LOC128092252: variants seen among roughly 807,000 people sequenced by gnomAD.
the LOC128092252 span, among the ~76,000 whole-genome samples, chr15:50,660,482 T>C: frequency 2.1e-3 from 313 of 152,122 alleles, no homozygotes; most frequent in Non-Finnish European, 3.6e-3. Flanking sequence ...GTGAAACCCC[T>C]GTCTCTACTA....
chr15:50,673,361 A>G, the LOC128092252 span, among the ~76,000 whole-genome samples: 1 of 152,104 alleles, frequency 6.6e-6, no homozygotes, highest in Non-Finnish European at 1.5e-5. Context: ...ATTTTGGTGC[A>G]CCCATTGCCC....
chr15:50,650,191 T>TAAAA, the LOC128092252 span, among the ~76,000 whole-genome samples: 2 of 24,408 alleles, frequency 8.2e-5, no homozygotes, highest in Non-Finnish European at 6.8e-5. Flanking sequence ...AGACTTTGTC[T>TAAAA]CAAAAAAAAA....
chr15:50,672,868 C>T, the LOC128092252 span, among the ~76,000 whole-genome samples: 1 of 118,762 alleles, frequency 8.4e-6, no homozygotes, highest in Non-Finnish European at 1.6e-5. Context: ...CACTGCACTC[C>T]AGCCAGGGTG....
chr15:50,681,063 C>T, the LOC128092252 span, among the ~76,000 whole-genome samples: 2 of 152,018 alleles, frequency 1.3e-5, no homozygotes, highest in Non-Finnish European at 2.9e-5. Flanking sequence ...CCAGCCTGAC[C>T]AACATGGTGA....
At chr15:50,664,616 T>C in the LOC128092252 span, among the ~76,000 whole-genome samples, 1 of 152,184 alleles carries the variant, frequency 6.6e-6, no homozygotes, top group Non-Finnish European at 1.5e-5. Context: ...TAGACAAATC[T>C]AGGCTCACAG....
chr15:50,675,836 A>C, the LOC128092252 span, among the ~76,000 whole-genome samples: 1,535 of 152,336 alleles, frequency 0.01, 33 homozygotes, highest in African/African-American at 0.035. Context: ...GGGAATCTTA[A>C]AGATCAGTTG....
chr15:50,681,891 T>C, the LOC128092252 span, among the ~76,000 whole-genome samples: 2 of 152,156 alleles, frequency 1.3e-5, no homozygotes, highest in African/African-American at 2.4e-5. Flanking sequence ...ATAACAGTGA[T>C]GCTCATAAAA....
At chr15:50,681,294 A>ACACACACACACACACACACAC in the LOC128092252 span, among the ~76,000 whole-genome samples, 1 of 101,912 alleles carries the variant, frequency 9.8e-6, no homozygotes, top group African/African-American at 5.3e-5. Context: ...CACACACACA[A>ACACACACACACACACACACAC]AGCATTCAGA....
chr15:50,665,041 C>T, the LOC128092252 span, among the ~76,000 whole-genome samples: 1 of 152,062 alleles, frequency 6.6e-6, no homozygotes, highest in African/African-American at 2.4e-5. Flanking sequence ...AATAAATATA[C>T]GCATGTTTCT....
At chr15:50,678,410 T>C in the LOC128092252 span, among the ~76,000 whole-genome samples, 3 of 151,222 alleles carry the variant, frequency 2.0e-5, no homozygotes, top group East Asian at 1.9e-4. Flanking sequence ...AAGCAAAATG[T>C]TGAAATAAGC....
chr15:50,680,915 T>C, the LOC128092252 span, among the ~76,000 whole-genome samples: 3 of 152,278 alleles, frequency 2.0e-5, no homozygotes, highest in South Asian at 2.1e-4. Context: ...ATATAAATAA[T>C]GGAGAAAACA....
chr15:50,671,001 T>C, the LOC128092252 span, among the ~76,000 whole-genome samples: 1 of 152,144 alleles, frequency 6.6e-6, no homozygotes, highest in Non-Finnish European at 1.5e-5. Context: ...CTACTATACA[T>C]TGCGGAATGG....
the LOC128092252 span, among the ~76,000 whole-genome samples, chr15:50,678,999 G>A: frequency 2.6e-5 from 4 of 152,038 alleles, no homozygotes; most frequent in Admixed American, 6.6e-5. Flanking sequence ...TCAGCCTCCC[G>A]AGTAGCTGGG....
At chr15:50,655,427 C>T in the LOC128092252 span, among the ~76,000 whole-genome samples, 5 of 139,554 alleles carry the variant, frequency 3.6e-5, no homozygotes, top group South Asian at 1.2e-3. Context: ...ACCAAGACTC[C>T]ATCTCAAAGG....
At chr15:50,658,889 A>G in the LOC128092252 span, among the ~76,000 whole-genome samples, 2 of 152,256 alleles carry the variant, frequency 1.3e-5, no homozygotes, top group Non-Finnish European at 2.9e-5. Context: ...ATAATTAAAT[A>G]GGCTGCAACA....
chr15:50,654,121 A>G, the LOC128092252 span, among the ~76,000 whole-genome samples: 1 of 152,200 alleles, frequency 6.6e-6, no homozygotes, highest in Non-Finnish European at 1.5e-5. Context: ...CACTCCTTAC[A>G]GGAAAATTAT....
At chr15:50,665,719 G>A in the LOC128092252 span, among the ~76,000 whole-genome samples, 2 of 152,164 alleles carry the variant, frequency 1.3e-5, no homozygotes, top group African/African-American at 2.4e-5. Context: ...GCTGGGCCAG[G>A]CACAGTGGAT....
At chr15:50,657,206 C>G in the LOC128092252 span, among the ~76,000 whole-genome samples, 1 of 152,130 alleles carries the variant, frequency 6.6e-6, no homozygotes, top group Non-Finnish European at 1.5e-5. Context: ...TGCCTGTAAT[C>G]CCAGCTACTC....
At chr15:50,675,547 C>A in the LOC128092252 span, among the ~76,000 whole-genome samples, 8 of 152,118 alleles carry the variant, frequency 5.3e-5, no homozygotes, top group African/African-American at 1.9e-4. Flanking sequence ...CATACCCCAG[C>A]TGAAAGTTGT....
Sources: gnomAD v4.1 joint callset for allele counts (sites outside exome capture counted in the v4.1 genomes callset) on GRCh38, gnomAD v4.1.1 for gene constraint, MANE v1.5 for transcripts.